Variants in SLC13A3 observed in about 807,000 individuals in gnomAD.
SLC13A3 encodes Na(+)/dicarboxylate cotransporter 3.
A neutral mutation model predicts 59.0 loss-of-function variants in SLC13A3; 40 were observed. That is an observed-to-expected ratio of 0.68 (90% CI 0.53 to 0.88). The LOEUF is 0.88. Ranked by LOEUF, SLC13A3 falls within the 40% of genes least tolerant of loss-of-function variation. The pLI is 0.00. For missense variants in SLC13A3, 699 were observed against 783.2 expected (o/e 0.89, Z 1.28); for synonymous variants, 317 against 330.3 (o/e 0.96, Z 0.44).
chr20:46,679,704 T>G (rs1295117617), intron 1 of SLC13A3, among the ~76,000 whole-genome samples: 3 of 152,014 alleles, frequency 2.0e-5, no homozygotes. Context: ...GGCGGGACTT[T>G]GAGACCAGCT....
chr20:46,640,823 G>A (rs2062840368), intron 1 of SLC13A3, among the ~76,000 whole-genome samples: 1 of 152,192 alleles, frequency 6.6e-6, no homozygotes, highest in East Asian at 1.9e-4. Context: ...GTCTGGCGGT[G>A]TCAGAGAATT....
At chr20:46,637,063 T>C (rs2062802784) in intron 1 of SLC13A3, among the ~76,000 whole-genome samples, 1 of 152,194 alleles carries the variant, frequency 6.6e-6, no homozygotes, top group African/African-American at 2.4e-5. Flanking sequence ...CCTCCCAAAG[T>C]GCTAGGATTA....
chr20:46,567,066 C>T (rs1325325109), intron 10 of SLC13A3, among the ~76,000 whole-genome samples: 1 of 151,960 alleles, frequency 6.6e-6, no homozygotes, highest in Non-Finnish European at 1.5e-5. Flanking sequence ...CACATGTGTG[C>T]CTGTAATCCT....
chr20:46,571,410 A>G (rs1270285883), intron 10 of SLC13A3, among the ~76,000 whole-genome samples: 2 of 152,202 alleles, frequency 1.3e-5, no homozygotes, highest in Non-Finnish European at 2.9e-5. Flanking sequence ...CAATGAATTA[A>G]TGCAATAATA....
At chr20:46,591,218 C>T (rs765602630) in intron 6 of SLC13A3, among the ~76,000 whole-genome samples, 5 of 151,696 alleles carry the variant, frequency 3.3e-5, no homozygotes, top group Non-Finnish European at 7.4e-5. Flanking sequence ...AAATCTGTCA[C>T]GGAGGCCAGT....
At chr20:46,650,998 A>G (rs1387559271) in intron 1 of SLC13A3, among the ~76,000 whole-genome samples, 1 of 152,152 alleles carries the variant, frequency 6.6e-6, no homozygotes, top group Non-Finnish European at 1.5e-5. Flanking sequence ...GGCTGCAGTG[A>G]GCTATGATCA....
rs1352922800 is a variant in SLC13A3, at chr20:46,610,580, G to C, written c.407C>G (p.Ser136Trp). 1 of 1,613,884 alleles carries C rather than the reference G, an allele frequency of 6.2e-7. No homozygotes were observed. The highest frequency in any genetic ancestry group is 8.5e-7 in the Non-Finnish European group (1 of 1,179,928). Residue 136 changes from serine (S) to tryptophan (W), a missense_variant, in exon 3 of 13, where the codon TCG (serine) becomes TGG (tryptophan). By Grantham distance (177) the Ser-to-Trp change is radical. Transcript: ENST00000279027. ...RLILGMMVTT[S>W]FLSMWLSNTA... ...GTTGCTCAGCCACATGGACAAGAAC[G>C]AGGTGGTCACCATCATCCCCAGGAT...
In SLC13A3 at chr20:46,592,397, G is replaced by A; in HGVS notation, c.920+7C>T. ...CACTCTATTGCCAAAAAGAAAATGA[G>A]AGGTACCTGAAGCTCAGTCCCCCGT... On this transcript the variant is annotated splice_region_variant and intron_variant, in intron 6 of 12. Coordinates refer to ENST00000279027, the MANE Select transcript of SLC13A3 (RefSeq NM_022829.6). The A allele has an allele frequency of 6.2e-7, 1 of 1,613,760 alleles. No homozygotes were observed. Among genetic ancestry groups the A allele is most frequent in the Non-Finnish European group, 8.5e-7 (1 of 1,179,814 alleles).
intron 10 of SLC13A3, among the ~76,000 whole-genome samples, chr20:46,575,266 C>T (rs551703471): frequency 1.3e-4 from 20 of 152,298 alleles, no homozygotes; most frequent in South Asian, 2.1e-4. Flanking sequence ...ATTGGGTGAG[C>T]GCAATATGTT....
chr20:46,615,333 C>T (rs896350270), intron 1 of SLC13A3, among the ~76,000 whole-genome samples: 7 of 152,132 alleles, frequency 4.6e-5, no homozygotes, highest in African/African-American at 1.7e-4. Context: ...GCGCACCATC[C>T]TAAGAGCCAC....
chr20:46,580,161 G>A (rs1215346063), intron 9 of SLC13A3, among the ~76,000 whole-genome samples: 1 of 152,056 alleles, frequency 6.6e-6, no homozygotes, highest in Admixed American at 6.5e-5. Context: ...TCGCCATGTT[G>A]GCCAGGCTGC....
chr20:46,597,491 C>T (rs1358404911), intron 4 of SLC13A3, among the ~76,000 whole-genome samples: 1 of 152,144 alleles, frequency 6.6e-6, no homozygotes, highest in Non-Finnish European at 1.5e-5. Context: ...GGCTAGAGTG[C>T]AATGGCATGA....
chr20:46,573,203 G>T (rs2146093521), intron 10 of SLC13A3, among the ~76,000 whole-genome samples: 1 of 152,272 alleles, frequency 6.6e-6, no homozygotes, highest in South Asian at 2.1e-4. Flanking sequence ...GAGCCTGAAT[G>T]TGCCACCCAG....
chr20:46,656,260 T>C (rs28767474), upstream of SLC13A3, among the ~76,000 whole-genome samples: 2 of 140,478 alleles, frequency 1.4e-5, no homozygotes, highest in Non-Finnish European at 3.1e-5. Context: ...TGTATACTTA[T>C]ATAGACTGTA....
chr20:46,635,011 G>A (rs2062782054), intron 1 of SLC13A3, among the ~76,000 whole-genome samples: 1 of 152,158 alleles, frequency 6.6e-6, no homozygotes, highest in African/African-American at 2.4e-5. Context: ...CTGCCCGAAG[G>A]CACTGGGGTG....
At chr20:46,637,045 C>T (rs2062802619) in intron 1 of SLC13A3, among the ~76,000 whole-genome samples, 1 of 152,106 alleles carries the variant, frequency 6.6e-6, no homozygotes, top group African/African-American at 2.4e-5. Flanking sequence ...GTGATCTGCC[C>T]ACCTCAGCCT....
At chr20:46,635,455 T>C (rs1292352245) in intron 1 of SLC13A3, among the ~76,000 whole-genome samples, 1 of 152,226 alleles carries the variant, frequency 6.6e-6, no homozygotes, top group Non-Finnish European at 1.5e-5. Flanking sequence ...GCTCAGGGCT[T>C]GCTCCTTCAC....
chr20:46,648,942 TACACACAC>T (rs113495144), intron 1 of SLC13A3, among the ~76,000 whole-genome samples: 1 of 114,696 alleles, frequency 8.7e-6, no homozygotes, highest in Admixed American at 8.3e-5. Flanking sequence ...CACACACACA[TACACACAC>T]ACACACACAC....
upstream of SLC13A3, chr20:46,651,464 CGCCTGGCCCCGGCGCCGGCTTAAA>C: frequency 7.3e-7 from 1 of 1,374,794 alleles, no homozygotes; most frequent in Non-Finnish European, 9.3e-7. Flanking sequence ...GGGACTGCCC[CGCCTGGCCCCGGCGCCGGCTTAAA>C]GCCTGGGGGA....
Sources: allele counts gnomAD v4.1 joint callset (sites outside exome capture counted in the v4.1 genomes callset), GRCh38; gene constraint gnomAD v4.1.1; transcripts MANE v1.5; gene names NCBI Gene and HGNC (gene_info 2026-07-23, HGNC 2026-07-21).